The following MYO16 variants were observed in gnomAD, a reference collection of about 807,000 sequenced individuals.
MYO16 encodes the protein unconventional myosin-XVI.
A neutral mutation model predicts 205.3 loss-of-function variants in MYO16; 94 were observed. That is an observed-to-expected ratio of 0.46 (90% CI 0.39 to 0.54). The LOEUF is 0.54. Among genes scored for constraint, MYO16 ranks in the 20% least tolerant of loss-of-function variants. The probability of loss-of-function intolerance (pLI) is 0.00; values close to 1 mark genes in which losing one functional copy is unlikely to be tolerated. For synonymous variants in MYO16, 988 were observed against 954.0 expected (o/e 1.04, Z -0.66); for missense variants, 2,315 against 2,387.5 (o/e 0.97, Z 0.63).
the MYO16 span, among the ~76,000 whole-genome samples, chr13:108,574,669 TTGTGTGTGTG>T: frequency 9.3e-3 from 1,264 of 136,578 alleles, 11 homozygotes; most frequent in South Asian, 0.052. Flanking sequence ...CAATAACAAT[TTGTGTGTGTG>T]TGTGTGTGTG....
chr13:108,572,065 G>A, the MYO16 span, among the ~76,000 whole-genome samples: 1 of 151,766 alleles, frequency 6.6e-6, no homozygotes, highest in Non-Finnish European at 1.5e-5. Flanking sequence ...GACTACAGGT[G>A]CATGCCACCA....
intron 23 of MYO16, among the ~76,000 whole-genome samples, chr13:109,026,054 G>A (rs1417131252): frequency 6.6e-6 from 1 of 152,104 alleles, no homozygotes; most frequent in South Asian, 2.1e-4. Context: ...TGGCCTGAAT[G>A]GTTTATAGGC....
intron 27 of MYO16, among the ~76,000 whole-genome samples, chr13:109,077,872 T>A (rs1258153169): frequency 1.3e-5 from 2 of 152,184 alleles, no homozygotes; most frequent in Non-Finnish European, 2.9e-5. Flanking sequence ...TCTATTCTTT[T>A]TTCTATTGTT....
At chr13:108,965,667 A>C (rs1377324773) in intron 20 of MYO16, among the ~76,000 whole-genome samples, 2 of 152,212 alleles carry the variant, frequency 1.3e-5, no homozygotes, top group African/African-American at 4.8e-5. Flanking sequence ...CGGCCTCCCA[A>C]AGTGCTGGGA....
intron 16 of MYO16, among the ~76,000 whole-genome samples, chr13:108,924,934 T>C (rs9587723): frequency 0.063 from 9,665 of 152,234 alleles, 875 homozygotes; most frequent in African/African-American, 0.2. Flanking sequence ...TTCTTAAATA[T>C]ATTTTGGTGG....
chr13:108,976,924 A>G (rs1239207476), intron 20 of MYO16, among the ~76,000 whole-genome samples: 1 of 152,194 alleles, frequency 6.6e-6, no homozygotes, highest in Non-Finnish European at 1.5e-5. Context: ...TTTCGTTATC[A>G]TAAAAGACGT....
At chr13:108,986,849 T>C (rs1884656961) in intron 20 of MYO16, among the ~76,000 whole-genome samples, 1 of 152,026 alleles carries the variant, frequency 6.6e-6, no homozygotes, top group Non-Finnish European at 1.5e-5. Context: ...TTGGAAATAG[T>C]TTTCTGCAGA....
chr13:108,866,283 A>C, intron 12 of MYO16, 41 bp downstream of exon 12: 2 of 1,315,050 alleles, frequency 1.5e-6, no homozygotes, highest in Non-Finnish European at 2.1e-6. Context: ...AATGTAGAGT[A>C]ATACTTTCTA....
At chr13:109,061,041 A>T (rs560437414) in intron 27 of MYO16, among the ~76,000 whole-genome samples, 1 of 152,286 alleles carries the variant, frequency 6.6e-6, no homozygotes, top group South Asian at 2.1e-4. Flanking sequence ...TGTTACGGAG[A>T]CAGTTTGTTT....
At chr13:108,835,891 G>T (rs1177024694) in intron 9 of MYO16, among the ~76,000 whole-genome samples, 1 of 152,140 alleles carries the variant, frequency 6.6e-6, no homozygotes, top group Non-Finnish European at 1.5e-5. Context: ...GAGCATAAAA[G>T]TTTGGAAAAT....
chr13:108,711,006 G>C (rs1490723673), intron 2 of MYO16, among the ~76,000 whole-genome samples: 1 of 152,162 alleles, frequency 6.6e-6, no homozygotes, highest in Non-Finnish European at 1.5e-5. Context: ...TCATGAAAGG[G>C]ATTTTAAACA....
chr13:109,019,895 T>G lies in MYO16; in HGVS notation c.2780T>G (p.Met927Arg). 1.2e-6 allele frequency: 2 copies of G among 1,614,152 alleles called. No individual in the cohort carries two copies. Among genetic ancestry groups the G allele is most frequent in the Non-Finnish European group, 1.7e-6 (2 of 1,179,994 alleles). ...GACCACGGTACAGCCTTCACCATCA[T>G]GCACTACGCAGGAAGGGTAAGTGGC... ...LKDHGTAFTI[M>R]HYAGRVMYDV... is the part of the protein sequence containing the mutation. Residue 927 changes from methionine to arginine, a missense_variant, in exon 23 of 35, where the codon ATG (methionine) becomes AGG (arginine). By Grantham distance (91) the Met-to-Arg change is moderately conservative. Transcript: ENST00000457511.
At chr13:108,687,861 T>G (rs1175426916) in intron 2 of MYO16, among the ~76,000 whole-genome samples, 1 of 152,126 alleles carries the variant, frequency 6.6e-6, no homozygotes, top group African/African-American at 2.4e-5. Context: ...AAAATATAAT[T>G]TGAGAGCCTT....
At chr13:108,840,626 C>T (rs995422119) in intron 9 of MYO16, among the ~76,000 whole-genome samples, 51 of 152,254 alleles carry the variant, frequency 3.3e-4, no homozygotes, top group African/African-American at 1.2e-3. Flanking sequence ...CAGCCTCGAC[C>T]TCATAGGCCC....
chr13:108,910,161 A>G lies in MYO16; in HGVS notation c.1925+11A>G, dbSNP rs773731810. 1 of 1,607,806 alleles carries G rather than the reference A, an allele frequency of 6.2e-7. No homozygotes were observed. The highest frequency in any genetic ancestry group is 8.5e-7 in the Non-Finnish European group (1 of 1,176,290). ...TTTATGTGCACACCGGTGAGTGACT[A>G]AGTATTTTGTATCTAAAAGCTATGC... On this transcript the variant is annotated intron_variant, in intron 16 of 34. Transcript: ENST00000457511.
intron 20 of MYO16, among the ~76,000 whole-genome samples, chr13:108,967,789 TA>T (rs550312081): frequency 4.6e-4 from 70 of 152,294 alleles, no homozygotes; most frequent in African/African-American, 1.6e-3. Context: ...GAAATGTTGT[TA>T]AATAGCTAAA....
Position 108,712,666 on chromosome 13 carries a change from C to T in MYO16, c.298C>T (p.Arg100Trp), listed in dbSNP as rs1240554126. Residue 100 changes from arginine (R) to tryptophan (W), a missense_variant, in exon 3 of 35, where the codon CGG becomes TGG. Transcript: ENST00000457511. ...IIHHNDKEVL[R>W]LLKEGADPHT... ...CTCCTCTCTGTTGTTTTCAGTGCTT[C>T]GGCTCCTGAAGGAGGGGGCAGACCC... 6.2e-6 allele frequency: 10 copies of T among 1,613,910 alleles called. No individual in the cohort carries two copies. The highest frequency in any genetic ancestry group is 3.3e-5 in the Admixed American group (2 of 60,000).
At chr13:109,085,497 A>T (rs1888412394) in intron 27 of MYO16, among the ~76,000 whole-genome samples, 1 of 152,136 alleles carries the variant, frequency 6.6e-6, no homozygotes, top group South Asian at 2.1e-4. Context: ...ATGTGAGAGG[A>T]TGGATGGAGA....
At chr13:108,733,954 A>G (rs1273249306) in intron 4 of MYO16, among the ~76,000 whole-genome samples, 3 of 152,300 alleles carry the variant, frequency 2.0e-5, no homozygotes, top group African/African-American at 7.2e-5. Context: ...GGGCGACAGA[A>G]TGAGACTCCG....
Sources: gnomAD v4.1 joint callset for allele counts (sites outside exome capture counted in the v4.1 genomes callset) on GRCh38, gnomAD v4.1.1 for gene constraint, MANE v1.5 for transcripts, NCBI Gene and HGNC (gene_info 2026-07-23, HGNC 2026-07-21) for gene names.